Variants in PRC1 observed in about 807,000 individuals in gnomAD.
The protein encoded by PRC1 is anaphase spindle elongation 1 homolog.
A neutral mutation model predicts 91.2 loss-of-function variants in PRC1; 54 were observed. That is an observed-to-expected ratio of 0.59 (90% CI 0.48 to 0.74). The LOEUF is 0.74. Among genes scored for constraint, PRC1 ranks in the 30% least tolerant of loss-of-function variants. PRC1 has a pLI of 0.00. For missense variants in PRC1, 727 were observed against 746.2 expected, an observed-to-expected ratio of 0.97 and a Z score of 0.30; for synonymous variants, 275 against 263.6, an observed-to-expected ratio of 1.04 and a Z score of -0.42.
rs886986632 is a variant in PRC1 at position 90,966,635 on chromosome 15, C to T, written c.*496G>A. On this transcript the variant is annotated 3_prime_UTR_variant, in exon 15 of 15. Transcript: ENST00000394249. ...AACTTCGGACACACAAAGACATTCT[C>T]TTCAGGAGGAAGGCTGTCCTGTGTG... The T allele has an allele frequency of 2.2e-6, 1 of 456,218 alleles. No homozygotes were observed. Among genetic ancestry groups the T allele is most frequent in the Non-Finnish European group, 4.4e-6 (1 of 226,910 alleles). The allele number at this position is 456,218 out of a possible 1,614,324, so 28.3% of individuals were successfully genotyped here.
At chr15:90,991,615 AT>A (rs530932760) in intron 1 of PRC1, among the ~76,000 whole-genome samples, 78 of 149,884 alleles carry the variant, frequency 5.2e-4, no homozygotes, top group Middle Eastern at 3.4e-3. Context: ...ACTGAACTTA[AT>A]TTTTTTTTTA....
Position 90,981,599 on chromosome 15 carries a change from G to A in PRC1, c.572C>T (p.Thr191Ile). Residue 191 changes from threonine (T) to isoleucine (I), a missense_variant, in exon 5 of 15, where the codon ACC becomes ATC. Physicochemically the swap from Thr to Ile is moderately conservative, Grantham distance 89 (BLOSUM62 -1). Coordinates refer to ENST00000394249, the MANE Select transcript of PRC1 (RefSeq NM_003981.4). The stretch of plus-strand genomic sequence containing the variant: ...ATCTCTTTCAAAGCTTGTGTCTGGG[G>A]TGTGGTCTAATGCTTCCATACACAG... ...IILCMEALDHTPDTSFERDVV... is the reference protein window; with the variant it reads ...IILCMEALDHIPDTSFERDVV... 6.2e-7 allele frequency: 1 copy of A among 1,613,906 alleles called. No homozygotes were observed. The highest frequency in any genetic ancestry group is 1.1e-5 in the South Asian group (1 of 91,084).
At chr15:90,968,971 G>T in intron 14 of PRC1, 108 bp downstream of exon 14, 1 of 1,563,330 alleles carries the variant, frequency 6.4e-7, no homozygotes, top group African/African-American at 1.4e-5. Flanking sequence ...TGCTTCCTTT[G>T]TAACACTGCT....
At chr15:90,969,781 T>C (rs1340575672) in intron 12 of PRC1, among the ~76,000 whole-genome samples, 158 bp from the exon 13 acceptor site, 6 of 78,806 alleles carry the variant, frequency 7.6e-5, no homozygotes, top group East Asian at 7.4e-4. Flanking sequence ...TATATATATA[T>C]ATATATATAT....
chr15:90,967,500 C>G (rs1431058377), intron 14 of PRC1: 4 of 332,518 alleles, frequency 1.2e-5, no homozygotes, highest in Middle Eastern at 9.1e-4. Flanking sequence ...AATGATGTTT[C>G]AGTTAACGAC....
At position 90,981,513 on chromosome 15, in the gene PRC1, T is replaced by C; in HGVS notation, c.658A>G (p.Lys220Glu). 2 of 1,613,918 alleles carry C rather than the reference T, an allele frequency of 1.2e-6. No homozygotes were observed. The highest frequency in any genetic ancestry group is 1.7e-6 in the Non-Finnish European group (2 of 1,180,042). Reference sequence around the variant, plus strand: ...GAAGACAGTACCTGCCGTAGCAACTTTTGTAGTGTTGCAATATTCTCCAAA... The same window carrying C: ...GAAGACAGTACCTGCCGTAGCAACTCTTGTAGTGTTGCAATATTCTCCAAA... ...LSLENIATLQ[K>E]LLRQLEMQKS... Residue 220 changes from lysine (K) to glutamate (E), a missense_variant, in exon 5 of 15, where the codon AAG (lysine) becomes GAG (glutamate). Transcript: ENST00000394249.
At chr15:90,988,918 C>T (rs906768650) in intron 1 of PRC1, among the ~76,000 whole-genome samples, 17 of 152,170 alleles carry the variant, frequency 1.1e-4, no homozygotes, top group African/African-American at 4.1e-4. Context: ...CGAAGGTTTA[C>T]AAGCAGGGCT....
intron 11 of PRC1, among the ~76,000 whole-genome samples, chr15:90,972,308 C>G (rs112916818): frequency 0.015 from 2,200 of 150,928 alleles, 60 homozygotes; most frequent in African/African-American, 0.051. Context: ...CACTTGAGCC[C>G]AGGAGGCTGA....
intron 8 of PRC1, among the ~76,000 whole-genome samples, 157 bp from the exon 9 acceptor site, chr15:90,976,928 C>T (rs1041550598): frequency 1.3e-5 from 2 of 151,486 alleles, no homozygotes; most frequent in African/African-American, 4.9e-5. Context: ...GTCGACAGTT[C>T]CAGACCAACC....
chr15:90,972,082 T>C (rs1364330710), intron 11 of PRC1, among the ~76,000 whole-genome samples: 1 of 150,592 alleles, frequency 6.6e-6, no homozygotes, highest in African/African-American at 2.5e-5. Flanking sequence ...GGCTCATGCC[T>C]GTAATCCCAG....
At chr15:90,981,276 C>T in intron 5 of PRC1, 1 of 684,744 alleles carries the variant, frequency 1.5e-6, no homozygotes, top group South Asian at 2.2e-5. Flanking sequence ...ATTCAAATGA[C>T]TAATATTATT....
Position 90,974,576 on chromosome 15 carries a change from C to T in PRC1, c.1350+9G>A, listed in dbSNP as rs772874473. On this transcript the variant is annotated intron_variant, in intron 10 of 14. Transcript: ENST00000394249. The surrounding 1 kb of genome is among the most constrained non-coding windows in gnomAD (Gnocchi z 4.6). ...TCTTTTCCCAATTTGCGTTCACGTT[C>T]ACACTTACTCTTTCCTGCTTGGCTC... The T allele has an allele frequency of 5.0e-6, 8 of 1,614,008 alleles. No homozygotes were observed. The highest frequency in any genetic ancestry group is 1.7e-5 in the Admixed American group (1 of 59,998).
rs1190535291 is a variant in PRC1 at position 90,966,913 on chromosome 15, T to A, written c.*218A>T. 1 of 576,960 alleles carries A rather than the reference T, an allele frequency of 1.7e-6. No homozygotes were observed. Among genetic ancestry groups the A allele is most frequent in the Non-Finnish European group, 3.1e-6 (1 of 323,618 alleles). 35.7% of individuals were successfully genotyped at this position (576,960 alleles called of 1,614,324 possible). A position where few individuals can be genotyped will look rare whatever the true frequency, so the allele number is the denominator to read the frequency against. Reference sequence around the variant, plus strand: ...ATTTGCACTTCTTGCCATAAACTTTTCATGTATATAAGTCAAAACCAAGTC... The same window carrying A: ...ATTTGCACTTCTTGCCATAAACTTTACATGTATATAAGTCAAAACCAAGTC... On this transcript the variant is annotated 3_prime_UTR_variant, in exon 15 of 15. Transcript: ENST00000394249.
At position 90,984,014 on chromosome 15, in the gene PRC1, G is replaced by A. The variant is rs2039400407; in HGVS notation, c.267+4C>T. ...CACCAGAGACCCTGTGGGCTGCCAC[G>A]GACCTGAAATGGCTCAACATGTAAC... On this transcript the variant is annotated splice_donor_region_variant and intron_variant, in intron 3 of 14. Transcript: ENST00000394249. This position sits in a 1 kb window ranked among gnomAD's most constrained non-coding sequence, Gnocchi z 5.1. 3.1e-6 allele frequency: 5 copies of A among 1,613,740 alleles called. No individual in the cohort carries two copies. The highest frequency in any genetic ancestry group is 1.7e-5 in the Admixed American group (1 of 60,008).
intron 14 of PRC1, chr15:90,968,355 C>T (rs2037723677): frequency 1.0e-6 from 1 of 985,438 alleles, no homozygotes; most frequent in South Asian, 4.7e-5. Flanking sequence ...CCAACTGTTC[C>T]ATTCTCTATC....
intron 13 of PRC1, 62 bp from the exon 14 acceptor site, chr15:90,969,182 T>C: frequency 4.6e-6 from 7 of 1,535,740 alleles, no homozygotes; most frequent in Non-Finnish European, 6.3e-6. Context: ...AGGACAGTGA[T>C]AGAGGGGTTG....
At chr15:90,975,924 G>A (rs570204521) in intron 9 of PRC1, among the ~76,000 whole-genome samples, 1 of 152,294 alleles carries the variant, frequency 6.6e-6, no homozygotes, top group East Asian at 1.9e-4. Context: ...GGAAAACCAT[G>A]TGAACACACG....
At position 90,967,040 on chromosome 15, in the gene PRC1, G is replaced by A. The variant is rs902201571; in HGVS notation, c.*91C>T. The A allele has an allele frequency of 3.7e-5, 43 of 1,169,846 alleles. No individual in the cohort carries two copies. Among genetic ancestry groups the A allele is most frequent in the Admixed American group, 9.0e-5 (5 of 55,748 alleles). 72.5% of individuals were successfully genotyped at this position (1,169,846 alleles called of 1,614,324 possible). On this transcript the variant is annotated 3_prime_UTR_variant, in exon 15 of 15. Transcript: ENST00000394249. ...GGAACCTGGCCAAGGTTTCAAGCAC[G>A]CCTAAGCTGAAGAAAAACTAAAGTC...
intron 1 of PRC1, among the ~76,000 whole-genome samples, chr15:90,991,423 CAA>C (rs35404872): frequency 1.5e-5 from 2 of 132,026 alleles, no homozygotes; most frequent in Admixed American, 1.5e-4. Context: ...AGACTGTCTC[CAA>C]AAAAAAAAAG....
Sources: gnomAD v4.1 joint callset for allele counts (sites outside exome capture counted in the v4.1 genomes callset) on GRCh38, gnomAD v4.1.1 for gene constraint, Gnocchi (gnomAD v3.1) non-coding constraint, MANE v1.5 for transcripts, NCBI Gene and HGNC (gene_info 2026-07-23, HGNC 2026-07-21) for gene names.